The following MACROD2 variants were observed in gnomAD, a reference collection of about 807,000 sequenced individuals.
The protein encoded by MACROD2 is mono-ADP ribosylhydrolase 2, also known as ADP-ribose glycohydrolase MACROD2.
A neutral mutation model predicts 70.4 loss-of-function variants in MACROD2; 36 were observed. That is an observed-to-expected ratio of 0.51 (90% CI 0.39 to 0.68). The LOEUF is 0.68. MACROD2 is among the 30% of genes least tolerant of loss of function. The pLI, the probability that MACROD2 is intolerant of heterozygous loss-of-function variation, is 0.00. For synonymous variants in MACROD2, 172 were observed against 178.8 expected, an observed-to-expected ratio of 0.96 and a Z score of 0.30; for missense variants, 496 against 538.4, an observed-to-expected ratio of 0.92 and a Z score of 0.78.
intron 6 of MACROD2, among the ~76,000 whole-genome samples, chr20:15,393,339 C>A (rs775285793): frequency 2.6e-5 from 4 of 152,206 alleles, no homozygotes; most frequent in Non-Finnish European, 5.9e-5. Flanking sequence ...AACTCAACAT[C>A]TTTTTCTCAA....
At chr20:14,461,559 G>A (rs6110299) in intron 3 of MACROD2, among the ~76,000 whole-genome samples, 1 of 151,672 alleles carries the variant, frequency 6.6e-6, no homozygotes, top group African/African-American at 2.4e-5. Flanking sequence ...TGAAGGTGCA[G>A]GTTTGTTACA....
intron 4 of MACROD2, among the ~76,000 whole-genome samples, chr20:14,649,568 G>A (rs994160014): frequency 1.3e-5 from 2 of 152,164 alleles, no homozygotes; most frequent in African/African-American, 4.8e-5. Flanking sequence ...CCAAGCTTCA[G>A]GGAAGGACTG....
intron 5 of MACROD2, among the ~76,000 whole-genome samples, chr20:14,913,419 G>A (rs1259744210): frequency 6.6e-6 from 1 of 151,988 alleles, no homozygotes; most frequent in Admixed American, 6.6e-5. Flanking sequence ...GGGTGCCATG[G>A]TTCACACCTG....
intron 8 of MACROD2, among the ~76,000 whole-genome samples, chr20:15,793,035 A>G (rs1304388958): frequency 6.6e-6 from 1 of 152,196 alleles, no homozygotes; most frequent in East Asian, 1.9e-4. Flanking sequence ...TGCAGATATG[A>G]AAACACCTAC....
chr20:15,660,062 A>G (rs1053966380), intron 8 of MACROD2, among the ~76,000 whole-genome samples: 7 of 152,236 alleles, frequency 4.6e-5, no homozygotes, highest in Middle Eastern at 3.4e-3. Context: ...CCAGAACTTC[A>G]TACAGTCACA....
chr20:14,464,325 G>A lies in MACROD2; in HGVS notation c.272-29154G>A, dbSNP rs551973711. 3.4e-4 allele frequency among the ~76,000 whole-genome samples: 51 copies of A among 152,204 alleles called. No homozygotes were observed. In the South Asian group the frequency reaches 8.9e-3, roughly 27 times the overall value. Reference sequence around the variant, plus strand: ...AGATTTTCTAGTTTATTTGCGTAGAGGTATTTGTAGTATTCTCTGATTGTA... The same window carrying A: ...AGATTTTCTAGTTTATTTGCGTAGAAGTATTTGTAGTATTCTCTGATTGTA... On this transcript the variant is annotated intron_variant, in intron 3 of 17. Transcript: ENST00000684519.
intron 5 of MACROD2, among the ~76,000 whole-genome samples, chr20:15,063,749 T>C (rs2075552428): frequency 1.3e-5 from 2 of 152,218 alleles, no homozygotes; most frequent in Admixed American, 1.3e-4. Context: ...TGATGTTTCC[T>C]ACCTTATGCT....
At chr20:14,334,567 G>A in intron 3 of MACROD2, among the ~76,000 whole-genome samples, 1 of 148,998 alleles carries the variant, frequency 6.7e-6, no homozygotes, top group East Asian at 2.1e-4. Context: ...CCGCAAGTCA[G>A]ATGTTGGCTG....
chr20:15,381,117 T>C (rs2146278182), intron 6 of MACROD2, among the ~76,000 whole-genome samples: 1 of 152,170 alleles, frequency 6.6e-6, no homozygotes, highest in East Asian at 1.9e-4. Flanking sequence ...CAGTAAAGAG[T>C]ATTATATATT....
intron 8 of MACROD2, among the ~76,000 whole-genome samples, chr20:15,570,725 G>T (rs961453679): frequency 6.6e-6 from 1 of 152,132 alleles, no homozygotes; most frequent in Non-Finnish European, 1.5e-5. Flanking sequence ...AGAAGTATTA[G>T]AATCCTTTCT....
intron 10 of MACROD2, among the ~76,000 whole-genome samples, chr20:15,928,538 CTG>C (rs1236972614): frequency 6.6e-6 from 1 of 152,244 alleles, no homozygotes; most frequent in African/African-American, 2.4e-5. Context: ...TGGGTTGAAA[CTG>C]TCCCCTGCTG....
At chr20:14,644,259 T>A (rs1199688518) in intron 4 of MACROD2, among the ~76,000 whole-genome samples, 1 of 152,170 alleles carries the variant, frequency 6.6e-6, no homozygotes, top group African/African-American at 2.4e-5. Context: ...TGTAGCTGCT[T>A]AATAACTGTT....
At chr20:14,854,439 T>C (rs2073231655) in intron 5 of MACROD2, among the ~76,000 whole-genome samples, 1 of 152,154 alleles carries the variant, frequency 6.6e-6, no homozygotes, top group South Asian at 2.1e-4. Context: ...TGGTAACTAA[T>C]AGACCTGGAC....
At chr20:14,452,157 T>C (rs1322554148) in intron 3 of MACROD2, among the ~76,000 whole-genome samples, 1 of 152,130 alleles carries the variant, frequency 6.6e-6, no homozygotes, top group Non-Finnish European at 1.5e-5. Context: ...GGATAGAAGA[T>C]AATAATGAAT....
chr20:14,861,352 T>C (rs1336820898), intron 5 of MACROD2, among the ~76,000 whole-genome samples: 1 of 152,110 alleles, frequency 6.6e-6, no homozygotes, highest in Non-Finnish European at 1.5e-5. Flanking sequence ...GGAAACATAC[T>C]AACAGCTGGG....
intron 5 of MACROD2, among the ~76,000 whole-genome samples, chr20:14,749,297 T>A (rs749961496): frequency 2.0e-5 from 3 of 152,012 alleles, no homozygotes; most frequent in Non-Finnish European, 4.4e-5. Context: ...AAGCAAGTTC[T>A]GTCTGGGCTG....
intron 6 of MACROD2, among the ~76,000 whole-genome samples, chr20:15,387,404 T>G (rs2045730700): frequency 6.6e-6 from 1 of 151,786 alleles, no homozygotes; most frequent in Non-Finnish European, 1.5e-5. Flanking sequence ...CAGTCTGCAC[T>G]TTTCCCTTCC....
chr20:15,301,983 A>G (rs1455422068), intron 6 of MACROD2, among the ~76,000 whole-genome samples: 2 of 152,148 alleles, frequency 1.3e-5, no homozygotes, highest in African/African-American at 2.4e-5. Context: ...CAAACACAAG[A>G]AAACTCAATA....
At chr20:14,826,727 A>G (rs986568615) in intron 5 of MACROD2, among the ~76,000 whole-genome samples, 4 of 152,146 alleles carry the variant, frequency 2.6e-5, no homozygotes, top group African/African-American at 9.7e-5. Flanking sequence ...CATCCTGATT[A>G]ATTCACTGTA....
Sources: allele counts gnomAD v4.1 joint callset (sites outside exome capture counted in the v4.1 genomes callset), GRCh38; gene constraint gnomAD v4.1.1; transcripts MANE v1.5; gene names NCBI Gene and HGNC (gene_info 2026-07-23, HGNC 2026-07-21).